Variants in KIF26B observed in about 807,000 individuals in gnomAD.
KIF26B encodes kinesin-like protein KIF26B.
In KIF26B, 63 loss-of-function variants were observed where a neutral mutation model predicts 151.2. The observed-to-expected ratio is 0.42, with a 90% confidence interval of 0.34 to 0.51. The LOEUF is 0.51. KIF26B is among the 20% of genes least tolerant of loss of function. The pLI, the probability that KIF26B is intolerant of heterozygous loss-of-function variation, is 0.07. For synonymous variants in KIF26B, 1,357 were observed against 1,262.1 expected, an observed-to-expected ratio of 1.08 and a Z score of -1.59; for missense variants, 2,813 against 2,913.6, an observed-to-expected ratio of 0.97 and a Z score of 0.79.
At chr1:245,653,291 G>C (rs1366972867) in intron 10 of KIF26B, among the ~76,000 whole-genome samples, 2 of 152,164 alleles carry the variant, frequency 1.3e-5, no homozygotes, top group Non-Finnish European at 2.9e-5. Flanking sequence ...TCTTGCTAAA[G>C]GGGTAGAAGT....
intron 12 of KIF26B, among the ~76,000 whole-genome samples, chr1:245,694,527 C>A (rs12141908): frequency 0.68 from 103,927 of 152,010 alleles, 36,293 homozygotes; most frequent in Middle Eastern, 0.8. Flanking sequence ...TTAACCTCAG[C>A]AGCAGCATCT....
At chr1:245,312,994 A>T (rs962344150) in intron 2 of KIF26B, among the ~76,000 whole-genome samples, 4 of 151,988 alleles carry the variant, frequency 2.6e-5, no homozygotes, top group Non-Finnish European at 5.9e-5. Context: ...ACCCGTCTCT[A>T]CTAAAAATAC....
chr1:245,392,808 T>A (rs1294957396), intron 3 of KIF26B, among the ~76,000 whole-genome samples: 1 of 152,222 alleles, frequency 6.6e-6, no homozygotes, highest in Non-Finnish European at 1.5e-5. Flanking sequence ...TTTTTAACAC[T>A]GTTTTTCCTT....
chr1:245,452,907 C>T (rs1183854238), intron 4 of KIF26B, among the ~76,000 whole-genome samples: 1 of 151,800 alleles, frequency 6.6e-6, no homozygotes, highest in South Asian at 2.1e-4. Context: ...TTGATAATGT[C>T]CTTTGGTGCA....
chr1:245,699,913 T>G (rs1367881519), intron 14 of KIF26B, among the ~76,000 whole-genome samples: 4 of 152,086 alleles, frequency 2.6e-5, no homozygotes, highest in Admixed American at 2.6e-4. Context: ...AAGCAGCTGG[T>G]TGAAAAGATA....
chr1:245,455,262 T>G (rs971191444), intron 4 of KIF26B, among the ~76,000 whole-genome samples: 8 of 152,098 alleles, frequency 5.3e-5, no homozygotes, highest in African/African-American at 1.9e-4. Context: ...TCCGAGCACT[T>G]TGGGAGGCTG....
Position 245,707,876 on chromosome 1 carries a change from G to A in KIF26B, c.*5270G>A, listed in dbSNP as rs1157572219. ...TCAACATTCAATTCCTGAGGAAAGT[G>A]CTGATAGTATTAGTTCCCTACATTT... On this transcript the variant is annotated 3_prime_UTR_variant, in exon 15 of 15. Transcript: ENST00000407071. The A allele has an allele frequency of 6.6e-6, 1 of 152,208 alleles. No individual in the cohort carries two copies. The highest frequency in any genetic ancestry group is 1.5e-5 in the Non-Finnish European group (1 of 68,038). The allele number at this position is 152,208 out of a possible 1,614,324, so 9.4% of individuals were successfully genotyped here.
chr1:245,229,094 G>A (rs1170723255), intron 2 of KIF26B, among the ~76,000 whole-genome samples: 3 of 152,096 alleles, frequency 2.0e-5, no homozygotes, highest in Non-Finnish European at 4.4e-5. Flanking sequence ...AGCCTCCCTA[G>A]TAGGTCAGAC....
At chr1:245,419,233 G>C (rs542059942) in intron 3 of KIF26B, among the ~76,000 whole-genome samples, 1 of 152,278 alleles carries the variant, frequency 6.6e-6, no homozygotes. Flanking sequence ...CTGGTAAGAA[G>C]CCAGCATTAG....
chr1:245,243,862 A>G (rs192540803), intron 2 of KIF26B, among the ~76,000 whole-genome samples: 1 of 83,682 alleles, frequency 1.2e-5, no homozygotes, highest in Non-Finnish European at 2.3e-5. Context: ...TAAAAATAAA[A>G]AAGAAGAAAA....
intron 5 of KIF26B, among the ~76,000 whole-genome samples, chr1:245,556,699 G>GTGTTTTT (rs111726718): frequency 0.33 from 45,364 of 136,374 alleles, 7,679 homozygotes; most frequent in Non-Finnish European, 0.42. Flanking sequence ...ACTGCATCTG[G>GTGTTTTT]TGTTTTTGTT....
chr1:245,332,930 G>C (rs562956807), intron 2 of KIF26B, among the ~76,000 whole-genome samples: 1 of 152,138 alleles, frequency 6.6e-6, no homozygotes, highest in Admixed American at 6.5e-5. Context: ...TTTTCAATGG[G>C]TCTCTCCAAA....
At chr1:245,451,419 G>A (rs1162577233) in intron 4 of KIF26B, among the ~76,000 whole-genome samples, 2 of 151,162 alleles carry the variant, frequency 1.3e-5, no homozygotes, top group African/African-American at 4.9e-5. Flanking sequence ...ATTTATTTCT[G>A]GTTGTCTTCT....
At position 245,587,395 on chromosome 1, in the gene KIF26B, C is replaced by T. The variant is rs551464304; in HGVS notation, c.1351-15182C>T. On this transcript the variant is annotated intron_variant, in intron 5 of 14. Transcript: ENST00000407071. ...CTCTTTATAACCCCAGAGCCTCGCA[C>T]AGTACCTGGACCAGATTAAGGGGTA... Among the ~76,000 whole-genome samples, 7 of 152,256 alleles carry T rather than the reference C, an allele frequency of 4.6e-5. No individual in the cohort carries two copies. In the South Asian group the frequency reaches 1.5e-3, roughly 32 times the overall value.
At chr1:245,688,913 C>A (rs1015104440) in intron 12 of KIF26B, 106 bp downstream of exon 12, 1 of 1,354,964 alleles carries the variant, frequency 7.4e-7, no homozygotes, top group Non-Finnish European at 9.7e-7. Context: ...GGCGTCCAGG[C>A]CTGGCCTCTC....
chr1:245,486,806 A>G (rs6699638), intron 4 of KIF26B, among the ~76,000 whole-genome samples: 151,664 of 152,338 alleles, frequency 1, 75,500 homozygotes, highest in Middle Eastern at 1. Context: ...AAGTAGCTGG[A>G]ACCACAGGCA....
intron 2 of KIF26B, among the ~76,000 whole-genome samples, chr1:245,209,893 C>T (rs1174853766): frequency 1.3e-5 from 2 of 152,212 alleles, no homozygotes; most frequent in East Asian, 3.8e-4. Flanking sequence ...GCTCGGCGTG[C>T]AAGGCATTTG....
At chr1:245,301,445 T>TA (rs770461337) in intron 2 of KIF26B, among the ~76,000 whole-genome samples, 3 of 152,192 alleles carry the variant, frequency 2.0e-5, no homozygotes, top group Non-Finnish European at 2.9e-5. Context: ...TGGCGTCTCT[T>TA]CAGCTGCGTG....
intron 2 of KIF26B, among the ~76,000 whole-genome samples, chr1:245,270,933 T>C (rs1252458498): frequency 6.6e-6 from 1 of 152,248 alleles, no homozygotes. Context: ...TTGAGGTTTA[T>C]GTATGCGTAA....
Sources: allele counts gnomAD v4.1 joint callset (sites outside exome capture counted in the v4.1 genomes callset), GRCh38; gene constraint gnomAD v4.1.1; transcripts MANE v1.5; gene names NCBI Gene and HGNC (gene_info 2026-07-23, HGNC 2026-07-21).